The following ADARB1 variants were observed in gnomAD, a reference collection of about 807,000 sequenced individuals.
ADARB1 encodes double-stranded RNA-specific editase 1.
ADARB1 carries 10 observed loss-of-function variants against 52.4 expected under a neutral mutation model. The ratio of observed to expected loss-of-function variants is 0.19; its 90% CI spans 0.12 to 0.32. The LOEUF (loss-of-function observed/expected upper bound fraction) is 0.32, where lower values mean the gene tolerates loss of function less well. Among genes scored for constraint, ADARB1 ranks in the 10% least tolerant of loss-of-function variants. The pLI is 1.00. For missense variants in ADARB1, 643 were observed against 922.3 expected (o/e 0.70, Z 3.92); for synonymous variants, 349 against 371.1 (o/e 0.94, Z 0.68).
At chr21:45,104,958 A>C (rs1237447876) in intron 1 of ADARB1, among the ~76,000 whole-genome samples, 1 of 152,268 alleles carries the variant, frequency 6.6e-6, no homozygotes, top group Non-Finnish European at 1.5e-5. Flanking sequence ...TTGGATAAAA[A>C]GGTTGAGTTG....
intron 8 of ADARB1, among the ~76,000 whole-genome samples, chr21:45,192,352 T>C (rs1467906941): frequency 6.6e-6 from 1 of 152,158 alleles, no homozygotes; most frequent in Non-Finnish European, 1.5e-5. Flanking sequence ...CCCCAATGCC[T>C]CTCATCTAAA....
intron 2 of ADARB1, among the ~76,000 whole-genome samples, chr21:45,153,834 C>T (rs1015208434): frequency 6.6e-6 from 1 of 152,166 alleles, no homozygotes; most frequent in South Asian, 2.1e-4. Context: ...CTGTGCGGCC[C>T]CCTCTGCCCT....
intron 8 of ADARB1, among the ~76,000 whole-genome samples, chr21:45,187,416 T>C (rs1402060599): frequency 6.6e-6 from 1 of 152,212 alleles, no homozygotes; most frequent in Non-Finnish European, 1.5e-5. Flanking sequence ...TTATGGAATC[T>C]TTAGGGTTTT....
At chr21:45,166,130 T>C (rs2091245518) in intron 2 of ADARB1, among the ~76,000 whole-genome samples, 1 of 152,198 alleles carries the variant, frequency 6.6e-6, no homozygotes, top group Non-Finnish European at 1.5e-5. Context: ...GATATGTTTT[T>C]TCATTAAGGG....
At chr21:45,080,678 C>A (rs1243183007) in intron 1 of ADARB1, among the ~76,000 whole-genome samples, 2 of 152,204 alleles carry the variant, frequency 1.3e-5, no homozygotes, top group Non-Finnish European at 2.9e-5. Context: ...TTAAAAAATT[C>A]ACTTTTCTCT....
chr21:45,200,742 C>T lies in ADARB1; in HGVS notation c.1566-3813C>T, dbSNP rs1044263438. On this transcript the variant is annotated intron_variant, in intron 8 of 10. Coordinates refer to ENST00000348831, the MANE Select transcript of ADARB1 (RefSeq NM_001112.4). This position sits in a 1 kb window ranked among gnomAD's most constrained non-coding sequence, Gnocchi z 5.0. ...CAGGAAGGAATGGGCGTGGGGCAAC[C>T]ACTAGGAAGCTGTAGTCCTTCCTGA... 6.6e-6 allele frequency among the ~76,000 whole-genome samples: 1 copy of T among 152,094 alleles called. No homozygotes were observed. The highest frequency in any genetic ancestry group is 1.5e-5 in the Non-Finnish European group (1 of 68,012).
intron 2 of ADARB1, among the ~76,000 whole-genome samples, chr21:45,141,688 T>G (rs1295855067): frequency 6.6e-6 from 1 of 151,560 alleles, no homozygotes; most frequent in Non-Finnish European, 1.5e-5. Context: ...CTGGGTCGCC[T>G]TAGCCACCCC....
chr21:45,180,146 A>G (rs2838802), intron 4 of ADARB1, among the ~76,000 whole-genome samples, 184 bp from the exon 5 acceptor site: 25,671 of 152,206 alleles, frequency 0.17, 3,248 homozygotes, highest in African/African-American at 0.35. Flanking sequence ...TGGGGTGTCT[A>G]TTTCCAAGGA....
intron 2 of ADARB1, among the ~76,000 whole-genome samples, chr21:45,146,795 T>G (rs2090030762): frequency 6.6e-6 from 1 of 152,226 alleles, no homozygotes; most frequent in Non-Finnish European, 1.5e-5. Flanking sequence ...CTCAGACAGC[T>G]CTTTACCATC....
chr21:45,179,315 G>A (rs188474047), intron 4 of ADARB1, among the ~76,000 whole-genome samples: 25 of 152,360 alleles, frequency 1.6e-4, no homozygotes, highest in African/African-American at 6.0e-4. Context: ...AATGATAAGA[G>A]AAAAACATCC....
intron 2 of ADARB1, among the ~76,000 whole-genome samples, chr21:45,171,337 C>T (rs1382290705): frequency 6.6e-6 from 1 of 152,220 alleles, no homozygotes; most frequent in Non-Finnish European, 1.5e-5. Flanking sequence ...CCTGGTCCCA[C>T]CCTCATCATC....
At chr21:45,174,822 GAA>G (rs753503180) in intron 3 of ADARB1, among the ~76,000 whole-genome samples, 13 of 151,992 alleles carry the variant, frequency 8.6e-5, no homozygotes, top group Non-Finnish European at 1.6e-4. Flanking sequence ...TTCAAAATCT[GAA>G]ATACCTTTAA....
intron 1 of ADARB1, among the ~76,000 whole-genome samples, chr21:45,119,800 A>C (rs1464007528): frequency 2.0e-5 from 3 of 152,254 alleles, no homozygotes; most frequent in African/African-American, 7.2e-5. Flanking sequence ...TGAAACTATG[A>C]ATTGTCATCG....
chr21:45,203,173 G>A (rs970506300), intron 8 of ADARB1, among the ~76,000 whole-genome samples: 9 of 152,096 alleles, frequency 5.9e-5, no homozygotes, highest in African/African-American at 2.2e-4. Context: ...CCCTCATCAA[G>A]CTCCTGGCTG....
Position 45,222,201 on chromosome 21 carries a change from G to A in ADARB1, c.*4G>A, listed in dbSNP as rs184883926. 1.4e-4 allele frequency: 216 copies of A among 1,554,116 alleles called. 2 individuals carry two copies. The highest frequency in any genetic ancestry group is 1.4e-3 in the South Asian group (110 of 80,120). Reference sequence around the variant, plus strand: ...CCAGTTCTCACTCACGCCCTGACCCGGGCAGACATGATGGGGGGTGCAGGG... The same window carrying A: ...CCAGTTCTCACTCACGCCCTGACCCAGGCAGACATGATGGGGGGTGCAGGG... On this transcript the variant is annotated 3_prime_UTR_variant, in exon 11 of 11. Transcript: ENST00000348831.
intron 8 of ADARB1, among the ~76,000 whole-genome samples, chr21:45,198,220 A>G (rs1006640196): frequency 1.3e-5 from 2 of 152,186 alleles, no homozygotes; most frequent in Non-Finnish European, 2.9e-5. Flanking sequence ...AGCCTCTAAG[A>G]TGTCAGTACT....
chr21:45,104,171 TC>T (rs912080297), intron 1 of ADARB1, among the ~76,000 whole-genome samples: 1 of 152,224 alleles, frequency 6.6e-6, no homozygotes, highest in Non-Finnish European at 1.5e-5. Flanking sequence ...CACTTGGGCT[TC>T]CCCTTTCTTG....
chr21:45,223,836 A>G lies in ADARB1; in HGVS notation c.*1639A>G, dbSNP rs1424970708. 8.1e-6 allele frequency: 8 copies of G among 985,284 alleles called. No homozygotes were observed. Among genetic ancestry groups the G allele is most frequent in the Non-Finnish European group, 9.6e-6 (8 of 829,960 alleles). 61.0% of individuals were successfully genotyped at this position (985,284 alleles called of 1,614,324 possible). A position where few individuals can be genotyped will look rare whatever the true frequency, so the allele number is the denominator to read the frequency against. On this transcript the variant is annotated 3_prime_UTR_variant, in exon 11 of 11. Transcript: ENST00000348831. ...CGTGTGTCCACACAGATCTCGTCGC[A>G]GCACGGCAGGAAGGGGTGCTGCTTA...
chr21:45,192,526 C>T lies in ADARB1; in HGVS notation c.1565+7435C>T, dbSNP rs558798278. Among the ~76,000 whole-genome samples, 28 of 152,166 alleles carry T rather than the reference C, an allele frequency of 1.8e-4. No individual in the cohort carries two copies. The East Asian group carries it at 5.4e-3, about 29-fold the overall frequency. ...TAGCCTTAATTGGCCTGACAACTTC[C>T]ATTTCTTGCCTCTTGGTGGCAGCCA... On this transcript the variant is annotated intron_variant, in intron 8 of 10. Coordinates refer to ENST00000348831, the MANE Select transcript of ADARB1 (RefSeq NM_001112.4).
Sources: gnomAD v4.1 joint callset for allele counts (sites outside exome capture counted in the v4.1 genomes callset) on GRCh38, gnomAD v4.1.1 for gene constraint, Gnocchi (gnomAD v3.1) non-coding constraint, MANE v1.5 for transcripts, NCBI Gene and HGNC (gene_info 2026-07-23, HGNC 2026-07-21) for gene names.